Variants in SP1 observed in about 807,000 individuals in gnomAD.
SP1 encodes the protein transcription factor Sp1.
In SP1, 6 loss-of-function variants were observed where a neutral mutation model predicts 66.3. The observed-to-expected ratio is 0.09, with a 90% CI of 0.05 to 0.18. SP1 has a LOEUF of 0.18. SP1 is among the 10% of genes least tolerant of loss of function. The pLI, the probability that SP1 is intolerant of heterozygous loss-of-function variation, is 1.00. For synonymous variants in SP1, 417 were observed against 360.8 expected (o/e 1.16, Z -1.77); for missense variants, 848 against 964.5 (o/e 0.88, Z 1.60).
chr12:53,382,656 C>T lies in SP1; in HGVS notation c.709C>T (p.Pro237Ser), dbSNP rs1350213663. 1.2e-6 allele frequency: 2 copies of T among 1,614,010 alleles called. No individual in the cohort carries two copies. Among genetic ancestry groups the T allele is most frequent in the African/African-American group, 1.3e-5 (1 of 74,914 alleles). The change falls in exon 3 of 6, where the codon CCC (proline) becomes TCC (serine). Residue 237 changes from proline to serine, a missense_variant. Around this residue, in one of 7 missense-constraint regions of SP1, gnomAD observed 606 missense variants for 589.9 expected, o/e 1.03. Transcript: ENST00000327443. ...GCCAAACCTACTCCAGCAGGCTGTC[C>T]CCCTCCAAGGCCTGGCTAATAATGT... ...AMPNLLQQAV[P>S]LQGLANNVLS... is the part of the protein sequence containing the mutation.
chr12:53,412,491 A>G lies in SP1; in HGVS notation c.*1251A>G, dbSNP rs1938914498. Reference sequence around the variant, plus strand: ...GAACATCCCCACTAGGTTCTTTTCCATTGTCAATAAGGAGCATCAGCCAGT... The same window carrying G: ...GAACATCCCCACTAGGTTCTTTTCCGTTGTCAATAAGGAGCATCAGCCAGT... On this transcript the variant is annotated 3_prime_UTR_variant, in exon 6 of 6. Transcript: ENST00000327443. The G allele has an allele frequency of 6.6e-6, 1 of 152,538 alleles. No homozygotes were observed. The highest frequency in any genetic ancestry group is 2.1e-4 in the South Asian group (1 of 4,828). The allele number at this position is 152,538 out of a possible 1,614,324, so 9.4% of individuals were successfully genotyped here. A position where few individuals can be genotyped will look rare whatever the true frequency, so the allele number is the denominator to read the frequency against.
rs566873137 is a variant in SP1, at chr12:53,412,785, G to A, written c.*1545G>A. ...AAGAGACTGATCCAAAAATTATAAC[G>A]GCAGGGAACCTAGTGCATTTGGCAC... On this transcript the variant is annotated 3_prime_UTR_variant, in exon 6 of 6. Coordinates refer to ENST00000327443, the MANE Select transcript of SP1 (RefSeq NM_138473.3). 2.0e-5 allele frequency: 3 copies of A among 152,646 alleles called. No homozygotes were observed. The highest frequency in any genetic ancestry group is 3.9e-4 in the East Asian group (2 of 5,188). The allele number at this position is 152,646 out of a possible 1,614,324, so 9.5% of individuals were successfully genotyped here.
At position 53,380,249 on chromosome 12, in the gene SP1, C is replaced by CCCCCCCCG; in HGVS notation, c.-39_-38insCCCGCCCC. Reference sequence around the variant, plus strand: ...GCGTTTTTCCCGGCCCCCCCCAACCCCCCCGGACAGGACCCCCTTGAGCTT... The same window carrying CCCCCCCCG: ...GCGTTTTTCCCGGCCCCCCCCAACCCCCCCCCCGCCCCGGACAGGACCCCCTTGAGCTT... On this transcript the variant is annotated 5_prime_UTR_variant, in exon 1 of 6. Transcript: ENST00000327443. 3 of 1,452,810 alleles carry CCCCCCCCG rather than the reference C, an allele frequency of 2.1e-6. No individual in the cohort carries two copies. The highest frequency in any genetic ancestry group is 2.9e-6 in the Non-Finnish European group (3 of 1,036,016). The allele number at this position is 1,452,810 out of a possible 1,614,324, so 90.0% of individuals were successfully genotyped here.
In SP1 at chr12:53,412,883, A is replaced by G. The variant is rs1339710218; in HGVS notation, c.*1643A>G. 6.6e-6 allele frequency: 1 copy of G among 152,334 alleles called. No individual in the cohort carries two copies. The highest frequency in any genetic ancestry group is 1.5e-5 in the Non-Finnish European group (1 of 68,008). The allele number at this position is 152,334 out of a possible 1,614,324, so 9.4% of individuals were successfully genotyped here. On this transcript the variant is annotated 3_prime_UTR_variant, in exon 6 of 6. Coordinates refer to ENST00000327443, the MANE Select transcript of SP1 (RefSeq NM_138473.3). The stretch of plus-strand genomic sequence containing the variant: ...GCATTGTCTCTCTCGACCTTCTGGT[A>G]TCTTGTTAGAGAGCTTTTCACTGTG...
intron 3 of SP1, among the ~76,000 whole-genome samples, chr12:53,391,847 A>G (rs765761419): frequency 2.6e-5 from 4 of 151,668 alleles, no homozygotes; most frequent in Non-Finnish European, 5.9e-5. Flanking sequence ...GAGAACATGC[A>G]GTATTTTGTT....
intron 5 of SP1, among the ~76,000 whole-genome samples, chr12:53,410,656 C>T (rs1267982787): frequency 6.6e-6 from 1 of 152,034 alleles, no homozygotes; most frequent in South Asian, 2.1e-4. Context: ...CAGGCGCCCG[C>T]CACCACGCCC....
rs777142731 is a variant in SP1, at chr12:53,409,389, A to G, written c.1872A>G (p.Lys624=). Residue 624 remains lysine (K), a synonymous_variant, in exon 5 of 6, where the codon AAA becomes AAG. Transcript: ENST00000327443. ...GCTCGGGGGATCCTGGCAAAAAGAA[A>G]CAGCATATTTGCCACATCCAAGGCT... The part of the protein sequence containing the change: ...GRGSGDPGKK[K]QHICHIQGCG... 22 of 1,614,016 alleles carry G rather than the reference A, an allele frequency of 1.4e-5. No individual in the cohort carries two copies. In the East Asian group the frequency reaches 4.0e-4, roughly 29 times the overall value.
At chr12:53,406,299 C>G (rs1161665858) in intron 3 of SP1, among the ~76,000 whole-genome samples, 1 of 151,890 alleles carries the variant, frequency 6.6e-6, no homozygotes. Flanking sequence ...GAACTCCTGA[C>G]CTCAGGTGAT....
At position 53,383,171 on chromosome 12, in the gene SP1, G is replaced by C; in HGVS notation, c.1224G>C (p.Gly408=). Residue 408 remains glycine, a synonymous_variant, in exon 3 of 6, where the codon GGG becomes GGC. Coordinates refer to ENST00000327443, the MANE Select transcript of SP1 (RefSeq NM_138473.3). ...QILIQPQLVQ[G]GQALQALQAA... ...TTATCCAGCCTCAGCTAGTTCAAGG[G>C]GGACAGGCCCTCCAGGCCCTCCAAG... 6.2e-7 allele frequency: 1 copy of C among 1,614,128 alleles called. No individual in the cohort carries two copies. Among genetic ancestry groups the C allele is most frequent in the Non-Finnish European group, 8.5e-7 (1 of 1,179,980 alleles).
chr12:53,397,625 G>A (rs1048619737), intron 3 of SP1, among the ~76,000 whole-genome samples: 2 of 138,182 alleles, frequency 1.4e-5, no homozygotes, highest in African/African-American at 2.8e-5. Flanking sequence ...CCTGCTCTTC[G>A]CCCAGGCTGG....
intron 3 of SP1, among the ~76,000 whole-genome samples, chr12:53,406,065 CTTTTTTTTTTTTTTT>C (rs1170832065): frequency 1.2e-5 from 1 of 82,412 alleles, no homozygotes; most frequent in Non-Finnish European, 2.5e-5. Context: ...TATTTTCTTT[CTTTTTTTTTTTTTTT>C]TTTTTTTTTG....
chr12:53,392,531 GT>G (rs1565811509), intron 3 of SP1, among the ~76,000 whole-genome samples: 2 of 150,764 alleles, frequency 1.3e-5, no homozygotes. Flanking sequence ...TAATTTTTTT[GT>G]ATTTTTAGTA....
At position 53,382,788 on chromosome 12, in the gene SP1, T is replaced by G; in HGVS notation, c.841T>G (p.Ser281Ala). Residue 281 changes from serine (S) to alanine (A), a missense_variant, in exon 3 of 6, where the codon TCT becomes GCT. This residue lies in a region of SP1 where 606 missense variants were observed against 589.9 expected (regional missense o/e 1.03). Coordinates refer to ENST00000327443, the MANE Select transcript of SP1 (RefSeq NM_138473.3). ...TTCTGCAGCTACCTTGACTCCCAGC[T>G]CTCAGGCAGTCACGATCAGCAGCTC... ...SVSAATLTPS[S>A]QAVTISSSGS... 18 of 1,614,102 alleles carry G rather than the reference T, an allele frequency of 1.1e-5. No individual in the cohort carries two copies. Among genetic ancestry groups the G allele is most frequent in the Non-Finnish European group, 1.5e-5 (18 of 1,179,998 alleles).
In SP1 at chr12:53,392,748, G is replaced by A. The variant is rs1938384631; in HGVS notation, c.1675+9126G>A. ...GACCTCAGGTGATCCACCCACCTCA[G>A]CCTCCCAAAGTGCTGGGATTACAGG... On this transcript the variant is annotated intron_variant, in intron 3 of 5. Transcript: ENST00000327443. Among the ~76,000 whole-genome samples the A allele has an allele frequency of 4.6e-5, 7 of 152,134 alleles. 1 individual carries two copies. The South Asian group carries it at 1.2e-3, about 27-fold the overall frequency.
rs1217111561 is a variant in SP1, at chr12:53,382,086, TTCCTC to T, written c.163-20_163-16del. On this transcript the variant is annotated intron_variant, in intron 2 of 5. Transcript: ENST00000327443. Reference sequence around the variant, plus strand: ...TGGCAGCTGGGTGTCACTAACTCCTTTCCTCTCCCTTATTTTCGGCCAGGAGTCCC... The same window carrying T: ...TGGCAGCTGGGTGTCACTAACTCCTTTCCCTTATTTTCGGCCAGGAGTCCC... 6 of 1,609,792 alleles carry T rather than the reference TTCCTC, an allele frequency of 3.7e-6. No individual in the cohort carries two copies. Among genetic ancestry groups the T allele is most frequent in the Non-Finnish European group, 5.1e-6 (6 of 1,177,564 alleles).
chr12:53,382,009 C>T, intron 2 of SP1, 101 bp from the exon 3 acceptor site: 2 of 1,254,404 alleles, frequency 1.6e-6, no homozygotes, highest in Admixed American at 4.8e-5. Flanking sequence ...CTGTTTTTTG[C>T]TCCTTGTCTG....
At position 53,382,452 on chromosome 12, in the gene SP1, C is replaced by T. The variant is rs1435958454; in HGVS notation, c.505C>T (p.Pro169Ser). ...QVLTGLPGVMPNIQYQVIPQF... is the reference protein window; with the variant it reads ...QVLTGLPGVMSNIQYQVIPQF... ...TCTGACAGGACTACCTGGAGTGATG[C>T]CTAATATTCAGTATCAAGTAATCCC... Residue 169 changes from proline (P) to serine (S), a missense_variant, in exon 3 of 6, where the codon CCT becomes TCT. Around this residue, in one of 7 missense-constraint regions of SP1, gnomAD observed 606 missense variants for 589.9 expected, o/e 1.03. Coordinates refer to ENST00000327443, the MANE Select transcript of SP1 (RefSeq NM_138473.3). The T allele has an allele frequency of 6.2e-7, 1 of 1,614,144 alleles. No homozygotes were observed. The highest frequency in any genetic ancestry group is 8.5e-7 in the Non-Finnish European group (1 of 1,180,018).
In SP1 at chr12:53,381,893, G is replaced by T; in HGVS notation, c.162+80G>T. ...ATAATTGCCTTACTCTTCACAGAAA[G>T]CGTTTTAGGGAGAGACTAAACCATT... On this transcript the variant is annotated intron_variant, in intron 2 of 5. Transcript: ENST00000327443. 1.3e-6 allele frequency: 2 copies of T among 1,490,810 alleles called. 1 individual carries two copies. Among genetic ancestry groups the T allele is most frequent in the South Asian group, 2.6e-5 (2 of 77,664 alleles). The allele number at this position is 1,490,810 out of a possible 1,614,324, so 92.3% of individuals were successfully genotyped here. A position where few individuals can be genotyped will look rare whatever the true frequency, so the allele number is the denominator to read the frequency against.
Position 53,413,178 on chromosome 12 carries a change from C to T in SP1, c.*1938C>T, listed in dbSNP as rs1938930527. The stretch of plus-strand genomic sequence containing the variant: ...TCAAAATGCCTTTCAGGCCCATTAC[C>T]TAGAAATCTATCTTAAAACCTGGGT... On this transcript the variant is annotated 3_prime_UTR_variant, in exon 6 of 6. Transcript: ENST00000327443. 6.6e-6 allele frequency: 1 copy of T among 152,512 alleles called. No homozygotes were observed. The highest frequency in any genetic ancestry group is 2.4e-5 in the African/African-American group (1 of 41,448). 9.4% of individuals were successfully genotyped at this position (152,512 alleles called of 1,614,324 possible). A position where few individuals can be genotyped will look rare whatever the true frequency, so the allele number is the denominator to read the frequency against.
Sources: gnomAD v4.1 joint callset for allele counts (sites outside exome capture counted in the v4.1 genomes callset) on GRCh38, gnomAD v4.1.1 for gene constraint, gnomAD v4.1.1 regional missense constraint, MANE v1.5 for transcripts, NCBI Gene and HGNC (gene_info 2026-07-23, HGNC 2026-07-21) for gene names.